Variants in SLC2A13 observed in about 807,000 individuals in gnomAD.
SLC2A13 encodes the protein solute carrier family 2 member 13, also known as proton myo-inositol cotransporter.
Under a neutral mutation model 64.4 loss-of-function variants are expected in SLC2A13, and 32 were observed. The observed-to-expected ratio is 0.50, with a 90% CI of 0.37 to 0.67. The LOEUF (loss-of-function observed/expected upper bound fraction) is 0.67, where lower values mean the gene tolerates loss of function less well. SLC2A13 is among the 30% of genes least tolerant of loss of function. SLC2A13 has a pLI of 0.00. For missense variants in SLC2A13, 743 were observed against 829.2 expected (o/e 0.90, Z 1.28); for synonymous variants, 338 against 327.1 (o/e 1.03, Z -0.36).
At chr12:40,026,015 C>A (rs764683886) in intron 3 of SLC2A13, among the ~76,000 whole-genome samples, 3 of 152,172 alleles carry the variant, frequency 2.0e-5, no homozygotes, top group Non-Finnish European at 2.9e-5. Flanking sequence ...GTTCTGCAGA[C>A]CATGTTTTAC....
At chr12:39,858,587 A>G (rs1358606288) in intron 6 of SLC2A13, among the ~76,000 whole-genome samples, 4 of 152,154 alleles carry the variant, frequency 2.6e-5, no homozygotes, top group African/African-American at 9.7e-5. Flanking sequence ...AAGAGGGGCT[A>G]ATAGGGTTTT....
intron 6 of SLC2A13, among the ~76,000 whole-genome samples, chr12:39,855,616 C>A (rs921752483): frequency 3.9e-5 from 6 of 152,192 alleles, no homozygotes; most frequent in Non-Finnish European, 5.9e-5. Context: ...CTCAATACCC[C>A]AGCCTACTGC....
At chr12:39,899,006 A>G (rs530545507) in intron 4 of SLC2A13, among the ~76,000 whole-genome samples, 2 of 152,266 alleles carry the variant, frequency 1.3e-5, no homozygotes, top group East Asian at 3.9e-4. Context: ...AAAATGAGTT[A>G]GGGAGGATTC....
intron 7 of SLC2A13, among the ~76,000 whole-genome samples, chr12:39,808,979 G>T (rs1942061441): frequency 6.6e-6 from 1 of 151,830 alleles, no homozygotes; most frequent in South Asian, 2.1e-4. Flanking sequence ...CTATCTACTT[G>T]CTTACCCTGA....
chr12:39,924,454 A>T (rs1258708619), intron 4 of SLC2A13, among the ~76,000 whole-genome samples: 2 of 152,106 alleles, frequency 1.3e-5, no homozygotes, highest in Non-Finnish European at 2.9e-5. Flanking sequence ...TATTTGCTTC[A>T]ATCACTGTTT....
intron 1 of SLC2A13, among the ~76,000 whole-genome samples, chr12:40,083,168 G>A (rs973823104): frequency 6.6e-6 from 1 of 152,094 alleles, no homozygotes; most frequent in Admixed American, 6.5e-5. Flanking sequence ...CATTTGCTGT[G>A]CCCCTTTGGG....
At chr12:39,988,369 A>T (rs1357605444) in intron 3 of SLC2A13, among the ~76,000 whole-genome samples, 1 of 151,992 alleles carries the variant, frequency 6.6e-6, no homozygotes, top group Non-Finnish European at 1.5e-5. Flanking sequence ...AATTTATATT[A>T]CTTTAACTGG....
intron 3 of SLC2A13, among the ~76,000 whole-genome samples, chr12:39,976,692 C>T (rs1946766009): frequency 6.6e-6 from 1 of 152,054 alleles, no homozygotes; most frequent in Non-Finnish European, 1.5e-5. Flanking sequence ...AACTGCTGCC[C>T]CTGGCCATGT....
At chr12:39,977,562 G>A (rs1048044292) in intron 3 of SLC2A13, among the ~76,000 whole-genome samples, 3 of 152,156 alleles carry the variant, frequency 2.0e-5, no homozygotes, top group East Asian at 1.9e-4. Flanking sequence ...TTATAAATAC[G>A]TTTCCTTCAA....
At chr12:39,944,952 G>T (rs764320273) in intron 4 of SLC2A13, among the ~76,000 whole-genome samples, 1 of 152,018 alleles carries the variant, frequency 6.6e-6, no homozygotes, top group Non-Finnish European at 1.5e-5. Flanking sequence ...TGTTTTATAG[G>T]TGCTGTGTGA....
chr12:39,777,906 G>A (rs1206507693), intron 7 of SLC2A13, among the ~76,000 whole-genome samples: 1 of 152,198 alleles, frequency 6.6e-6, no homozygotes, highest in Admixed American at 6.5e-5. Context: ...CTAGGATACA[G>A]AAAGCCCTCT....
chr12:39,968,512 A>G (rs908542558), intron 3 of SLC2A13, among the ~76,000 whole-genome samples: 5 of 151,958 alleles, frequency 3.3e-5, no homozygotes, highest in African/African-American at 1.2e-4. Flanking sequence ...CTCAGCAAAA[A>G]TGGTGACTCT....
At chr12:40,037,334 AG>A (rs1948005488) in intron 2 of SLC2A13, among the ~76,000 whole-genome samples, 2 of 152,126 alleles carry the variant, frequency 1.3e-5, no homozygotes. Context: ...AGAATTCACC[AG>A]GGGCTGGGTG....
chr12:39,881,357 A>G (rs1944331949), intron 4 of SLC2A13, among the ~76,000 whole-genome samples: 1 of 152,176 alleles, frequency 6.6e-6, no homozygotes, highest in African/African-American at 2.4e-5. Flanking sequence ...AAACTCAAAC[A>G]GTGGATATGA....
intron 7 of SLC2A13, among the ~76,000 whole-genome samples, chr12:39,782,862 G>T (rs1159649535): frequency 6.6e-6 from 1 of 152,072 alleles, no homozygotes; most frequent in Non-Finnish European, 1.5e-5. Flanking sequence ...GGTGACTCTT[G>T]TTATTTTTAT....
intron 2 of SLC2A13, among the ~76,000 whole-genome samples, chr12:40,039,406 A>G (rs1043695832): frequency 6.6e-6 from 1 of 152,356 alleles, no homozygotes; most frequent in Non-Finnish European, 1.5e-5. Flanking sequence ...GATTATTACC[A>G]TAAATGGGTT....
intron 3 of SLC2A13, among the ~76,000 whole-genome samples, chr12:40,015,076 C>G (rs1947601114): frequency 6.6e-6 from 1 of 151,920 alleles, no homozygotes; most frequent in Non-Finnish European, 1.5e-5. Context: ...GTCTATTTCT[C>G]ACATTATATA....
chr12:40,078,608 T>C (rs1938273328), intron 1 of SLC2A13, among the ~76,000 whole-genome samples: 1 of 152,180 alleles, frequency 6.6e-6, no homozygotes, highest in Non-Finnish European at 1.5e-5. Flanking sequence ...CATCTTTTAT[T>C]GTGTCTGCCA....
chr12:39,960,142 C>G (rs907230345), intron 3 of SLC2A13, among the ~76,000 whole-genome samples: 2 of 152,142 alleles, frequency 1.3e-5, no homozygotes, highest in African/African-American at 4.8e-5. Context: ...TTACTTTTCT[C>G]TAAAGTTATA....
Sources: gnomAD v4.1 joint callset for allele counts (sites outside exome capture counted in the v4.1 genomes callset) on GRCh38, gnomAD v4.1.1 for gene constraint, MANE v1.5 for transcripts, NCBI Gene and HGNC (gene_info 2026-07-23, HGNC 2026-07-21) for gene names.